Variants in CUX2 observed in about 807,000 individuals in gnomAD.
CUX2 encodes cut like homeobox 2.
A neutral mutation model predicts 144.8 loss-of-function variants in CUX2; 40 were observed. The observed-to-expected ratio is 0.28, with a 90% confidence interval of 0.21 to 0.36. The LOEUF (loss-of-function observed/expected upper bound fraction) is 0.36, where lower values mean the gene tolerates loss of function less well. CUX2 is among the 10% of genes least tolerant of loss of function. The pLI is 1.00. For missense variants in CUX2, 1,615 were observed against 1,994.0 expected, an observed-to-expected ratio of 0.81 and a Z score of 3.62; for synonymous variants, 827 against 875.6, an observed-to-expected ratio of 0.94 and a Z score of 0.98.
At chr12:111,044,052 A>T (rs747241992) in intron 1 of CUX2, among the ~76,000 whole-genome samples, 18 of 152,194 alleles carry the variant, frequency 1.2e-4, no homozygotes, top group Non-Finnish European at 2.1e-4. Flanking sequence ...GTAGTCTAGG[A>T]GCTTCCGTCA....
At chr12:111,284,486 A>C (rs1411847354) in intron 4 of CUX2, among the ~76,000 whole-genome samples, 1 of 152,226 alleles carries the variant, frequency 6.6e-6, no homozygotes, top group Non-Finnish European at 1.5e-5. Flanking sequence ...CCTGGGAATC[A>C]GCCCATTGTT....
chr12:111,075,241 CCTGT>C (rs1871466715), intron 1 of CUX2, among the ~76,000 whole-genome samples: 1 of 152,194 alleles, frequency 6.6e-6, no homozygotes, highest in African/African-American at 2.4e-5. Flanking sequence ...GCGGGCCGAC[CCTGT>C]CTGCGCAGAG....
intron 1 of CUX2, among the ~76,000 whole-genome samples, chr12:111,144,099 T>C (rs1254289556): frequency 6.6e-6 from 1 of 152,188 alleles, no homozygotes. Flanking sequence ...CCTGTACTGC[T>C]GTATGATCCC....
intron 1 of CUX2, among the ~76,000 whole-genome samples, chr12:111,047,107 G>A (rs1870032998): frequency 1.3e-5 from 2 of 152,206 alleles, no homozygotes; most frequent in African/African-American, 4.8e-5. Flanking sequence ...TGGAGAATGA[G>A]CACCACCCGG....
intron 1 of CUX2, among the ~76,000 whole-genome samples, chr12:111,154,703 A>G (rs930896572): frequency 4.6e-5 from 7 of 152,162 alleles, no homozygotes; most frequent in African/African-American, 1.7e-4. Context: ...CAGAGAGGCA[A>G]CGGTCTTGCA....
At chr12:111,265,314 A>AT (rs1046547118) in intron 4 of CUX2, among the ~76,000 whole-genome samples, 4 of 63,996 alleles carry the variant, frequency 6.3e-5, no homozygotes, top group Admixed American at 5.5e-4. Context: ...TTTTATTTTT[A>AT]TTTTATTTTA....
chr12:111,118,305 C>A (rs572661701), intron 1 of CUX2, among the ~76,000 whole-genome samples: 1 of 152,174 alleles, frequency 6.6e-6, no homozygotes. Flanking sequence ...CTATTATATG[C>A]TCTTTAAGGT....
At position 111,222,252 on chromosome 12, in the gene CUX2, A is replaced by G. The variant is rs1002937628; in HGVS notation, c.222+4315A>G. Reference sequence around the variant, plus strand: ...GTAAAGGAACAAACTACAATTAATTACCTTCATTTATTACAGTCATTATTT... The same window carrying G: ...GTAAAGGAACAAACTACAATTAATTGCCTTCATTTATTACAGTCATTATTT... On this transcript the variant is annotated intron_variant, in intron 3 of 21. Coordinates refer to ENST00000261726, the MANE Select transcript of CUX2 (RefSeq NM_015267.4). Among the ~76,000 whole-genome samples the G allele has an allele frequency of 1.3e-4, 20 of 152,314 alleles. 1 individual carries two copies. In the East Asian group the frequency reaches 3.3e-3, roughly 25 times the overall value.
chr12:111,112,898 C>A (rs1255040310), intron 1 of CUX2, among the ~76,000 whole-genome samples: 28 of 152,238 alleles, frequency 1.8e-4, no homozygotes, highest in Admixed American at 1.8e-3. Flanking sequence ...ACTGTGCTCA[C>A]CCCGGCTGGG....
chr12:111,267,032 CA>C (rs1163907213), intron 4 of CUX2, among the ~76,000 whole-genome samples: 2 of 151,332 alleles, frequency 1.3e-5, no homozygotes, highest in Non-Finnish European at 2.9e-5. Flanking sequence ...CCTGTCTCTA[CA>C]AAAAAAATAC....
intron 8 of CUX2, 39 bp from the exon 9 acceptor site, chr12:111,298,502 C>T: frequency 6.4e-7 from 1 of 1,551,134 alleles, no homozygotes; most frequent in Non-Finnish European, 8.7e-7. Context: ...CTGGAGCCCG[C>T]CGGAAGCCCT....
intron 1 of CUX2, among the ~76,000 whole-genome samples, chr12:111,147,533 C>T (rs1876765290): frequency 6.6e-6 from 1 of 152,224 alleles, no homozygotes; most frequent in African/African-American, 2.4e-5. Context: ...TTTTCAAGTT[C>T]ATGGTTCCCA....
At chr12:111,204,909 G>A (rs1042075391) in intron 1 of CUX2, among the ~76,000 whole-genome samples, 8 of 152,180 alleles carry the variant, frequency 5.3e-5, no homozygotes, top group Admixed American at 2.0e-4. Flanking sequence ...TCTTTGATCC[G>A]AATGTGAACT....
chr12:111,084,962 C>T (rs544400666), intron 1 of CUX2, among the ~76,000 whole-genome samples: 2 of 152,312 alleles, frequency 1.3e-5, no homozygotes, highest in South Asian at 4.1e-4. Flanking sequence ...TCTCATCATT[C>T]TTTTATTCTC....
chr12:111,323,659 C>T (rs199510248), intron 18 of CUX2, among the ~76,000 whole-genome samples: 1 of 151,868 alleles, frequency 6.6e-6, no homozygotes, highest in Non-Finnish European at 1.5e-5. Flanking sequence ...TGGAATGGTA[C>T]GTACCTGTGG....
chr12:111,251,576 C>T (rs559687785), intron 3 of CUX2, among the ~76,000 whole-genome samples: 1 of 152,308 alleles, frequency 6.6e-6, no homozygotes, highest in Non-Finnish European at 1.5e-5. Context: ...CTCGCGGTAT[C>T]TCCGGGAGCC....
At position 111,186,429 on chromosome 12, in the gene CUX2, G is replaced by A. The variant is rs1007499595; in HGVS notation, c.64-27771G>A. The stretch of plus-strand genomic sequence containing the variant: ...GGCTAAGTTGCTATGACGTTAAGCT[G>A]AGACCCGAAGCATAAACTAGGCGGG... On this transcript the variant is annotated intron_variant, in intron 1 of 21. Coordinates refer to ENST00000261726, the MANE Select transcript of CUX2 (RefSeq NM_015267.4). This position sits in a 1 kb window ranked among gnomAD's most constrained non-coding sequence, Gnocchi z 4.4. 2.0e-5 allele frequency among the ~76,000 whole-genome samples: 3 copies of A among 152,240 alleles called. No homozygotes were observed. The highest frequency in any genetic ancestry group is 6.5e-5 in the Admixed American group (1 of 15,284).
At chr12:111,345,999 G>C (rs1888787014) in intron 21 of CUX2, among the ~76,000 whole-genome samples, 2 of 151,026 alleles carry the variant, frequency 1.3e-5, no homozygotes, top group African/African-American at 2.4e-5. Flanking sequence ...CAGCTACTCA[G>C]GAGGCTGAGT....
intron 1 of CUX2, among the ~76,000 whole-genome samples, chr12:111,063,758 A>C (rs1870902042): frequency 6.6e-6 from 1 of 152,216 alleles, no homozygotes; most frequent in Non-Finnish European, 1.5e-5. Flanking sequence ...CATTCTTATT[A>C]GCATCGTAAT....
Sources: allele counts gnomAD v4.1 joint callset (sites outside exome capture counted in the v4.1 genomes callset), GRCh38; gene constraint gnomAD v4.1.1; non-coding constraint Gnocchi (gnomAD v3.1); transcripts MANE v1.5; gene names NCBI Gene and HGNC (gene_info 2026-07-23, HGNC 2026-07-21).